The following HCN1 variants were observed in gnomAD, a reference collection of about 807,000 sequenced individuals.
HCN1 encodes hyperpolarization activated cyclic nucleotide gated potassium channel 1, also known as potassium/sodium hyperpolarization-activated cyclic nucleotide-gated channel 1.
Under a neutral mutation model 78.9 loss-of-function variants are expected in HCN1, and 13 were observed. The observed-to-expected ratio is 0.16, with a 90% CI of 0.11 to 0.26. The LOEUF (loss-of-function observed/expected upper bound fraction) is 0.26. Among genes scored for constraint, HCN1 ranks in the 10% least tolerant of loss-of-function variants. The pLI, the probability that HCN1 is intolerant of heterozygous loss-of-function variation, is 1.00. For missense variants in HCN1, 810 were observed against 1,154.3 expected, an observed-to-expected ratio of 0.70 and a Z score of 4.32; for synonymous variants, 552 against 455.5, an observed-to-expected ratio of 1.21 and a Z score of -2.70.
intron 2 of HCN1, among the ~76,000 whole-genome samples, chr5:45,620,320 T>A (rs1745032857): frequency 6.6e-6 from 1 of 152,080 alleles, no homozygotes; most frequent in African/African-American, 2.4e-5. Context: ...AGTGTTGTAC[T>A]AATGTACAAT....
At chr5:45,265,379 G>A (rs1744836359) in intron 7 of HCN1, among the ~76,000 whole-genome samples, 1 of 152,168 alleles carries the variant, frequency 6.6e-6, no homozygotes, top group Non-Finnish European at 1.5e-5. Context: ...TACAAAGAGG[G>A]AAGTTATTTT....
At chr5:45,401,870 G>T (rs77560597) in intron 3 of HCN1, among the ~76,000 whole-genome samples, 15,056 of 151,826 alleles carry the variant, frequency 0.099, 966 homozygotes, top group Middle Eastern at 0.17. Context: ...TTTATACTGA[G>T]TTTTAATTAA....
chr5:45,265,344 G>A (rs1220241994), intron 7 of HCN1, among the ~76,000 whole-genome samples: 1 of 152,118 alleles, frequency 6.6e-6, no homozygotes, highest in East Asian at 1.9e-4. Context: ...ATTAGTCTCT[G>A]TCTCTAACAT....
intron 3 of HCN1, among the ~76,000 whole-genome samples, chr5:45,408,907 T>C (rs1739976792): frequency 1.3e-5 from 2 of 152,148 alleles, no homozygotes; most frequent in Admixed American, 1.3e-4. Context: ...CCTAATGCAT[T>C]AAAGAAGCAG....
intron 5 of HCN1, among the ~76,000 whole-genome samples, chr5:45,309,834 TG>T (rs1423222882): frequency 6.6e-6 from 1 of 152,134 alleles, no homozygotes; most frequent in Non-Finnish European, 1.5e-5. Flanking sequence ...TTTCTTTTTT[TG>T]TTGTTTCTTT....
At chr5:45,516,785 A>C (rs1344016963) in intron 2 of HCN1, among the ~76,000 whole-genome samples, 2 of 151,900 alleles carry the variant, frequency 1.3e-5, no homozygotes, top group African/African-American at 4.8e-5. Flanking sequence ...ATTTGATCAG[A>C]CTTGGTATCT....
chr5:45,362,228 A>C (rs1747129579), intron 4 of HCN1, among the ~76,000 whole-genome samples: 1 of 151,430 alleles, frequency 6.6e-6, no homozygotes, highest in African/African-American at 2.4e-5. Context: ...TTAATTGAAC[A>C]AGAGTATGGA....
chr5:45,637,840 G>T (rs1745382761), intron 2 of HCN1, among the ~76,000 whole-genome samples: 1 of 152,124 alleles, frequency 6.6e-6, no homozygotes, highest in Non-Finnish European at 1.5e-5. Flanking sequence ...AAATTTCAAA[G>T]GGCCTTGAAT....
intron 4 of HCN1, among the ~76,000 whole-genome samples, chr5:45,374,593 C>A (rs1468387959): frequency 6.7e-6 from 1 of 150,094 alleles, no homozygotes; most frequent in Admixed American, 6.8e-5. Context: ...GGTAGCATTT[C>A]TACTTAAACT....
At position 45,255,195 on chromosome 5, in the gene HCN1, A is replaced by G. The variant is rs976430276; in HGVS notation, c.*6726T>C. ...CAGCGTGACCAAGAGTAAACTTTGG[A>G]TGGTCCAGGATAAAATTATAACATA... On this transcript the variant is annotated 3_prime_UTR_variant, in exon 8 of 8. Coordinates refer to ENST00000303230, the MANE Select transcript of HCN1 (RefSeq NM_021072.4). 1.3e-5 allele frequency: 2 copies of G among 152,178 alleles called. No homozygotes were observed. The highest frequency in any genetic ancestry group is 1.9e-4 in the East Asian group (1 of 5,192). The allele number at this position is 152,178 out of a possible 1,614,324, so 9.4% of individuals were successfully genotyped here.
At chr5:45,450,235 G>T (rs1021675636) in intron 3 of HCN1, among the ~76,000 whole-genome samples, 1 of 152,162 alleles carries the variant, frequency 6.6e-6, no homozygotes, top group Admixed American at 6.5e-5. Context: ...CTTATCAACT[G>T]ATTAAAGATA....
At chr5:45,500,024 T>G (rs1468907738) in intron 2 of HCN1, among the ~76,000 whole-genome samples, 2 of 152,174 alleles carry the variant, frequency 1.3e-5, no homozygotes, top group Admixed American at 1.3e-4. Context: ...TATAATTTTA[T>G]AATATACATG....
chr5:45,503,961 T>C (rs866796717), intron 2 of HCN1, among the ~76,000 whole-genome samples: 1 of 152,060 alleles, frequency 6.6e-6, no homozygotes, highest in African/African-American at 2.4e-5. Context: ...AATTTTTGTA[T>C]TTTTAGTAGA....
intron 3 of HCN1, among the ~76,000 whole-genome samples, chr5:45,451,356 A>G (rs1740914573): frequency 6.6e-6 from 1 of 152,118 alleles, no homozygotes; most frequent in Non-Finnish European, 1.5e-5. Flanking sequence ...ACACTGATGA[A>G]TGTAAGGGAA....
chr5:45,445,488 C>T (rs1466009262), intron 3 of HCN1, among the ~76,000 whole-genome samples: 2 of 152,188 alleles, frequency 1.3e-5, no homozygotes, highest in Non-Finnish European at 2.9e-5. Flanking sequence ...CAGTAGTAAC[C>T]TCTGCAGACC....
chr5:45,591,059 C>T (rs1744349644), intron 2 of HCN1, among the ~76,000 whole-genome samples: 1 of 151,990 alleles, frequency 6.6e-6, no homozygotes, highest in South Asian at 2.1e-4. Flanking sequence ...CCACCTTGGC[C>T]TCTGAAAGCA....
chr5:45,659,955 G>T (rs1231016110), intron 1 of HCN1, among the ~76,000 whole-genome samples: 1 of 146,040 alleles, frequency 6.8e-6, no homozygotes, highest in African/African-American at 2.6e-5. Flanking sequence ...TACAGAGAAC[G>T]CCACAAAGAT....
intron 6 of HCN1, among the ~76,000 whole-genome samples, chr5:45,280,470 G>T (rs138585847): frequency 6.6e-6 from 1 of 152,088 alleles, no homozygotes; most frequent in Non-Finnish European, 1.5e-5. Context: ...TGACATTTTG[G>T]GCCAGATAAT....
intron 5 of HCN1, among the ~76,000 whole-genome samples, chr5:45,323,513 T>A (rs1746168285): frequency 6.6e-6 from 1 of 151,916 alleles, no homozygotes; most frequent in South Asian, 2.1e-4. Context: ...CCTTTATTAA[T>A]TTAGAAAGAA....
Sources: gnomAD v4.1 joint callset for allele counts (sites outside exome capture counted in the v4.1 genomes callset) on GRCh38, gnomAD v4.1.1 for gene constraint, MANE v1.5 for transcripts, NCBI Gene and HGNC (gene_info 2026-07-23, HGNC 2026-07-21) for gene names.